The following CYYR1 variants were observed in gnomAD, a reference collection of about 807,000 sequenced individuals.
CYYR1 encodes cysteine and tyrosine rich 1.
A neutral mutation model predicts 15.2 loss-of-function variants in CYYR1; 14 were observed. That is an observed-to-expected ratio of 0.92 (90% CI 0.61 to 1.44). The LOEUF (loss-of-function observed/expected upper bound fraction) is 1.44. CYYR1 is among the 40% of genes most tolerant of loss of function. CYYR1 has a pLI of 0.00. For missense variants in CYYR1, 228 were observed against 209.5 expected (o/e 1.09, Z -0.54); for synonymous variants, 80 against 77.4 (o/e 1.03, Z -0.18).
chr21:26,496,503 A>G (rs183515951), intron 2 of CYYR1, among the ~76,000 whole-genome samples: 1 of 152,364 alleles, frequency 6.6e-6, no homozygotes, highest in African/African-American at 2.4e-5. Flanking sequence ...TTTAAAATAT[A>G]GGAAGAAATC....
intron 2 of CYYR1, among the ~76,000 whole-genome samples, chr21:26,481,112 A>G (rs1205107918): frequency 6.6e-6 from 1 of 152,196 alleles, no homozygotes. Flanking sequence ...GAATAGCAGA[A>G]AAGAGTCAAC....
At chr21:26,488,429 ATT>A (rs1270298634) in intron 2 of CYYR1, among the ~76,000 whole-genome samples, 1 of 151,674 alleles carries the variant, frequency 6.6e-6, no homozygotes, top group Non-Finnish European at 1.5e-5. Context: ...TAATTTTGTA[ATT>A]TTTGTAGAGA....
intron 3 of CYYR1, chr21:26,470,555 T>C (rs2065021593): frequency 6.6e-6 from 1 of 152,298 alleles, no homozygotes; most frequent in South Asian, 2.1e-4. Context: ...GCTGGCCACG[T>C]GAAGATGTGC....
intron 2 of CYYR1, among the ~76,000 whole-genome samples, chr21:26,543,694 T>A (rs1011603472): frequency 2.6e-5 from 4 of 152,086 alleles, no homozygotes; most frequent in Non-Finnish European, 5.9e-5. Flanking sequence ...TCACCTGAGG[T>A]CCGGAGTTCG....
intron 2 of CYYR1, among the ~76,000 whole-genome samples, chr21:26,504,110 A>G (rs1601762881): frequency 6.6e-6 from 1 of 152,358 alleles, no homozygotes; most frequent in East Asian, 1.9e-4. Flanking sequence ...AGAGGGTTCA[A>G]GAATCCAGCA....
At chr21:26,537,691 C>T (rs1231995659) in intron 2 of CYYR1, among the ~76,000 whole-genome samples, 1 of 152,042 alleles carries the variant, frequency 6.6e-6, no homozygotes. Flanking sequence ...ATGTTTCAGG[C>T]TGGTAAGTAG....
chr21:26,480,080 A>T (rs1009222228), intron 3 of CYYR1, among the ~76,000 whole-genome samples, 192 bp downstream of exon 3: 9 of 152,166 alleles, frequency 5.9e-5, no homozygotes, highest in African/African-American at 2.2e-4. Flanking sequence ...ACCTTCAAAA[A>T]AAAAGAATTG....
In CYYR1 at chr21:26,535,467, CAGA is replaced by C. The variant is rs1218530609; in HGVS notation, c.176+30796_176+30798del. Among the ~76,000 whole-genome samples the C allele has an allele frequency of 5.9e-5, 9 of 152,208 alleles. No homozygotes were observed. In the East Asian group the frequency reaches 1.7e-3, roughly 29 times the overall value. On this transcript the variant is annotated intron_variant, in intron 2 of 3. Coordinates refer to ENST00000652641, the MANE Select transcript of CYYR1 (RefSeq NM_001320768.2). The stretch of plus-strand genomic sequence containing the variant: ...AGGAATGAATGGAAGAGGCTCAGCT[CAGA>C]ATAATTTTGCTATTATAAACAACAG...
At chr21:26,548,176 A>G (rs1197522367) in intron 2 of CYYR1, among the ~76,000 whole-genome samples, 1 of 152,194 alleles carries the variant, frequency 6.6e-6, no homozygotes, top group Non-Finnish European at 1.5e-5. Context: ...TTTATTTTCA[A>G]TACTTCTGAA....
At chr21:26,524,523 C>T (rs1473971058) in intron 2 of CYYR1, among the ~76,000 whole-genome samples, 2 of 152,122 alleles carry the variant, frequency 1.3e-5, no homozygotes, top group African/African-American at 4.8e-5. Flanking sequence ...AACAAATTAC[C>T]TTGTGGTAGA....
At chr21:26,532,552 T>A (rs2065945329) in intron 2 of CYYR1, among the ~76,000 whole-genome samples, 1 of 152,164 alleles carries the variant, frequency 6.6e-6, no homozygotes, top group South Asian at 2.1e-4. Flanking sequence ...TATAGAAACC[T>A]TTTAATTAAA....
intron 2 of CYYR1, among the ~76,000 whole-genome samples, chr21:26,531,748 A>T (rs149818707): frequency 0.011 from 1,682 of 152,214 alleles, 21 homozygotes; most frequent in Non-Finnish European, 0.016. Context: ...TATGACAATG[A>T]CTTTATTAAC....
chr21:26,567,338 C>T (rs909457598), intron 1 of CYYR1, among the ~76,000 whole-genome samples: 1 of 152,108 alleles, frequency 6.6e-6, no homozygotes, highest in Admixed American at 6.5e-5. Context: ...ATTGAGGAAT[C>T]AGTAAGATAT....
chr21:26,531,779 T>A (rs572796111), intron 2 of CYYR1, among the ~76,000 whole-genome samples: 1 of 152,262 alleles, frequency 6.6e-6, no homozygotes, highest in South Asian at 2.1e-4. Flanking sequence ...GGCCAGGGTA[T>A]CCTTAGATCG....
At chr21:26,548,622 C>CA (rs1979152327) in intron 2 of CYYR1, among the ~76,000 whole-genome samples, 1 of 152,120 alleles carries the variant, frequency 6.6e-6, no homozygotes, top group Non-Finnish European at 1.5e-5. Context: ...GTGCTGGGAT[C>CA]ACAGGCATGA....
chr21:26,529,845 G>A lies in CYYR1; in HGVS notation c.176+36421C>T, dbSNP rs188556167. 5.0e-4 allele frequency among the ~76,000 whole-genome samples: 76 copies of A among 152,286 alleles called. 1 individual carries two copies. The highest frequency in any genetic ancestry group is 5.0e-3 in the Admixed American group (76 of 15,296). ...GGGGCAGAGCTGTGTATTCACAGAG[G>A]TTACAGAGTTAGCCCTTAGACCTTT... is the stretch of plus-strand genomic sequence containing the variant. On this transcript the variant is annotated intron_variant, in intron 2 of 3. Transcript: ENST00000652641.
chr21:26,535,666 G>A (rs893336957), intron 2 of CYYR1, among the ~76,000 whole-genome samples: 20 of 152,182 alleles, frequency 1.3e-4, no homozygotes, highest in Admixed American at 7.9e-4. Context: ...TACTTGTTTC[G>A]TATGCAATCT....
intron 2 of CYYR1, among the ~76,000 whole-genome samples, chr21:26,558,680 T>A (rs1186028757): frequency 6.6e-6 from 1 of 152,214 alleles, no homozygotes; most frequent in Non-Finnish European, 1.5e-5. Flanking sequence ...GACATGTGTT[T>A]GTTTTCATAA....
intron 2 of CYYR1, among the ~76,000 whole-genome samples, chr21:26,542,415 G>A (rs1978639593): frequency 1.3e-5 from 2 of 151,586 alleles, no homozygotes; most frequent in Non-Finnish European, 2.9e-5. Context: ...CTAAACATGC[G>A]ATCATTTCAA....
Sources: allele counts gnomAD v4.1 joint callset (sites outside exome capture counted in the v4.1 genomes callset), GRCh38; gene constraint gnomAD v4.1.1; transcripts MANE v1.5; gene names NCBI Gene and HGNC (gene_info 2026-07-23, HGNC 2026-07-21).